The following ANKS1B variants were observed in gnomAD, a reference collection of about 807,000 sequenced individuals.
ANKS1B encodes the protein ankyrin repeat and sterile alpha motif domain-containing protein 1B.
Under a neutral mutation model 148.3 loss-of-function variants are expected in ANKS1B, and 36 were observed. The ratio of observed to expected loss-of-function variants is 0.24; its 90% CI spans 0.19 to 0.32. The LOEUF (loss-of-function observed/expected upper bound fraction) is 0.32, where lower values mean the gene tolerates loss of function less well. Among genes scored for constraint, ANKS1B ranks in the 10% least tolerant of loss-of-function variants. The pLI is 1.00. For synonymous variants in ANKS1B, 542 were observed against 560.8 expected (o/e 0.97, Z 0.47); for missense variants, 1,157 against 1,542.6 (o/e 0.75, Z 4.19).
At chr12:98,754,570 A>G (rs1196006977) in intron 25 of ANKS1B, among the ~76,000 whole-genome samples, 1 of 152,222 alleles carries the variant, frequency 6.6e-6, no homozygotes, top group African/African-American at 2.4e-5. Context: ...TGTGAGATTC[A>G]GTGATTCTGT....
intron 1 of ANKS1B, among the ~76,000 whole-genome samples, chr12:99,964,912 T>G (rs980969647): frequency 3.3e-5 from 5 of 151,996 alleles, no homozygotes; most frequent in African/African-American, 1.2e-4. Flanking sequence ...GAGAGGAGAT[T>G]GATAGCATAT....
chr12:99,047,313 T>A (rs2099963147), intron 17 of ANKS1B, among the ~76,000 whole-genome samples: 1 of 152,028 alleles, frequency 6.6e-6, no homozygotes, highest in South Asian at 2.1e-4. Flanking sequence ...GGCAGGAGAA[T>A]CGCTTGAACC....
chr12:98,903,491 G>C (rs1484705458), intron 17 of ANKS1B, among the ~76,000 whole-genome samples: 1 of 152,170 alleles, frequency 6.6e-6, no homozygotes, highest in Non-Finnish European at 1.5e-5. Context: ...GTATTACCAG[G>C]GTGCCAGGTG....
intron 14 of ANKS1B, among the ~76,000 whole-genome samples, chr12:99,208,271 A>G (rs1021168326): frequency 4.6e-5 from 7 of 152,094 alleles, no homozygotes; most frequent in African/African-American, 1.7e-4. Flanking sequence ...ATTTGCCTTT[A>G]GAGTCTTTTA....
At chr12:99,746,688 T>C (rs923289938) in intron 8 of ANKS1B, among the ~76,000 whole-genome samples, 2 of 152,154 alleles carry the variant, frequency 1.3e-5, no homozygotes, top group African/African-American at 4.8e-5. Context: ...AAGGGATGGA[T>C]GGCTGTAAAT....
intron 8 of ANKS1B, among the ~76,000 whole-genome samples, chr12:99,718,562 C>CTATATATATA (rs1318851621): frequency 6.6e-6 from 1 of 152,170 alleles, no homozygotes; most frequent in Admixed American, 6.5e-5. Context: ...CTTTTAAAGC[C>CTATATATATA]TATAAACTCT....
intron 17 of ANKS1B, among the ~76,000 whole-genome samples, chr12:98,895,620 C>G (rs2099763334): frequency 6.6e-6 from 1 of 152,176 alleles, no homozygotes; most frequent in East Asian, 1.9e-4. Flanking sequence ...GTGGGACTTG[C>G]GTTCCAGCTG....
intron 8 of ANKS1B, among the ~76,000 whole-genome samples, chr12:99,716,492 A>T (rs2057352417): frequency 6.6e-6 from 1 of 151,992 alleles, no homozygotes; most frequent in Non-Finnish European, 1.5e-5. Flanking sequence ...AAGAACTTAA[A>T]ACCTCTTCAA....
At chr12:99,102,433 T>C (rs183324688) in intron 15 of ANKS1B, among the ~76,000 whole-genome samples, 122 of 152,176 alleles carry the variant, frequency 8.0e-4, no homozygotes, top group African/African-American at 2.8e-3. Context: ...TTCTTCTTCT[T>C]CTTTTTTTCA....
At chr12:99,620,748 G>C (rs2098037242) in intron 9 of ANKS1B, among the ~76,000 whole-genome samples, 1 of 152,070 alleles carries the variant, frequency 6.6e-6, no homozygotes, top group Admixed American at 6.6e-5. Context: ...CTTCAAGAAA[G>C]ATAAGATTAT....
chr12:99,936,714 T>A (rs1436399782), intron 1 of ANKS1B, among the ~76,000 whole-genome samples: 1 of 152,196 alleles, frequency 6.6e-6, no homozygotes, highest in East Asian at 1.9e-4. Context: ...ACTAAGGTCC[T>A]CCTCACTCCA....
chr12:99,318,652 T>G (rs1309585186), intron 12 of ANKS1B, among the ~76,000 whole-genome samples: 1 of 152,214 alleles, frequency 6.6e-6, no homozygotes, highest in Non-Finnish European at 1.5e-5. Context: ...TTGAAGGTTT[T>G]TTTATGTCTC....
At chr12:99,725,999 T>C (rs925707881) in intron 8 of ANKS1B, among the ~76,000 whole-genome samples, 2 of 151,942 alleles carry the variant, frequency 1.3e-5, no homozygotes, top group Non-Finnish European at 2.9e-5. Context: ...TAAAGCAGTG[T>C]TAAGAGGGTA....
chr12:98,764,095 A>T (rs545352821), intron 25 of ANKS1B, among the ~76,000 whole-genome samples: 1 of 152,358 alleles, frequency 6.6e-6, no homozygotes, highest in African/African-American at 2.4e-5. Flanking sequence ...AGGAAGAAAC[A>T]TGCAATCTTT....
At chr12:98,753,133 C>G (rs992782504) in intron 25 of ANKS1B, among the ~76,000 whole-genome samples, 2 of 152,240 alleles carry the variant, frequency 1.3e-5, no homozygotes, top group Non-Finnish European at 2.9e-5. Context: ...CAAGCAGCGC[C>G]TGGGAGAAAA....
At chr12:99,322,441 C>T (rs935423449) in intron 12 of ANKS1B, among the ~76,000 whole-genome samples, 1 of 144,568 alleles carries the variant, frequency 6.9e-6, no homozygotes, top group African/African-American at 2.6e-5. Context: ...ATGTAACAAA[C>T]CTGCACACTC....
chr12:99,394,417 A>G (rs1251218773), intron 12 of ANKS1B, among the ~76,000 whole-genome samples: 2 of 152,102 alleles, frequency 1.3e-5, no homozygotes, highest in Non-Finnish European at 2.9e-5. Context: ...AATTCCTTCA[A>G]GGGTAGTCTA....
At chr12:99,741,583 A>G (rs1367459069) in intron 8 of ANKS1B, among the ~76,000 whole-genome samples, 1 of 152,160 alleles carries the variant, frequency 6.6e-6, no homozygotes, top group Non-Finnish European at 1.5e-5. Context: ...GGATGAGTTC[A>G]TGTCCTTTGC....
At chr12:99,861,054 C>T (rs2089957275) in intron 1 of ANKS1B, among the ~76,000 whole-genome samples, 1 of 152,178 alleles carries the variant, frequency 6.6e-6, no homozygotes, top group East Asian at 1.9e-4. Flanking sequence ...TAGTCTATCA[C>T]AAGCAGCCAA....
Sources: gnomAD v4.1 joint callset for allele counts (sites outside exome capture counted in the v4.1 genomes callset) on GRCh38, gnomAD v4.1.1 for gene constraint, MANE v1.5 for transcripts, NCBI Gene and HGNC (gene_info 2026-07-23, HGNC 2026-07-21) for gene names.